MGAT4C: variants seen among roughly 807,000 people sequenced by gnomAD.
The protein encoded by MGAT4C is MGAT4 family member C.
Under a neutral mutation model 40.1 loss-of-function variants are expected in MGAT4C, and 19 were observed. That is an observed-to-expected ratio of 0.47 (90% confidence interval 0.33 to 0.70). The LOEUF is 0.70. MGAT4C is among the 30% of genes least tolerant of loss of function. The probability of loss-of-function intolerance (pLI) is 0.02; values close to 1 mark genes in which losing one functional copy is unlikely to be tolerated. For synonymous variants in MGAT4C, 181 were observed against 187.1 expected, an observed-to-expected ratio of 0.97 and a Z score of 0.27; for missense variants, 491 against 563.2, an observed-to-expected ratio of 0.87 and a Z score of 1.30.
intron 2 of MGAT4C, among the ~76,000 whole-genome samples, chr12:86,573,863 C>T (rs1050074039): frequency 6.6e-6 from 1 of 151,886 alleles, no homozygotes; most frequent in Non-Finnish European, 1.5e-5. Context: ...ATTGCATATT[C>T]TTCTAAAGTT....
chr12:86,454,019 C>T (rs1957469186), intron 2 of MGAT4C, among the ~76,000 whole-genome samples: 1 of 152,002 alleles, frequency 6.6e-6, no homozygotes, highest in South Asian at 2.1e-4. Flanking sequence ...TAGGGCATTA[C>T]TTACATGACT....
intron 3 of MGAT4C, among the ~76,000 whole-genome samples, chr12:86,401,894 T>C (rs1956370802): frequency 6.6e-6 from 1 of 152,120 alleles, no homozygotes; most frequent in Admixed American, 6.5e-5. Context: ...AAAAGTGACA[T>C]GGAAGAGTTC....
At chr12:86,324,185 T>G (rs1954466429) in intron 4 of MGAT4C, among the ~76,000 whole-genome samples, 3 of 151,954 alleles carry the variant, frequency 2.0e-5, no homozygotes, top group African/African-American at 7.2e-5. Context: ...TCTATGGTTA[T>G]GTATTGCCCC....
chr12:86,213,618 T>C (rs1296298533), intron 1 of MGAT4C, among the ~76,000 whole-genome samples: 1 of 151,890 alleles, frequency 6.6e-6, no homozygotes, highest in Non-Finnish European at 1.5e-5. Context: ...ACCAATTATT[T>C]AAAAAAAACA....
intron 1 of MGAT4C, among the ~76,000 whole-genome samples, chr12:86,815,518 T>G (rs1254570855): frequency 7.2e-6 from 1 of 139,116 alleles, no homozygotes; most frequent in Non-Finnish European, 1.6e-5. Context: ...AGAAAATAAG[T>G]CATTATTCAA....
At chr12:86,592,301 TC>T (rs1302497133) in intron 2 of MGAT4C, among the ~76,000 whole-genome samples, 1 of 152,114 alleles carries the variant, frequency 6.6e-6, no homozygotes, top group African/African-American at 2.4e-5. Context: ...TGAATTTCTT[TC>T]TACTTTATCT....
At chr12:86,296,746 C>T (rs528296453) in intron 4 of MGAT4C, among the ~76,000 whole-genome samples, 4 of 152,328 alleles carry the variant, frequency 2.6e-5, no homozygotes, top group East Asian at 1.9e-4. Context: ...AAGCGCTGCG[C>T]GCAGCCCCAG....
At chr12:86,084,291 G>T (rs1379147555) in intron 1 of MGAT4C, among the ~76,000 whole-genome samples, 2 of 152,068 alleles carry the variant, frequency 1.3e-5, no homozygotes, top group Non-Finnish European at 2.9e-5. Context: ...TGAGGAGGTG[G>T]TTAGGAAATG....
intron 2 of MGAT4C, among the ~76,000 whole-genome samples, chr12:86,675,678 G>A (rs1174719001): frequency 1.3e-5 from 2 of 152,060 alleles, no homozygotes; most frequent in Non-Finnish European, 2.9e-5. Context: ...ATCCTGAAGT[G>A]TTTTGCTTTT....
At chr12:86,397,472 T>A (rs1956282140) in intron 3 of MGAT4C, among the ~76,000 whole-genome samples, 2 of 152,072 alleles carry the variant, frequency 1.3e-5, no homozygotes, top group Admixed American at 6.6e-5. Context: ...TCTTTTTTCC[T>A]TTGGGTGTTG....
intron 2 of MGAT4C, among the ~76,000 whole-genome samples, chr12:86,039,814 G>C (rs1019118371): frequency 5.3e-5 from 8 of 152,188 alleles, no homozygotes. Context: ...TCTGGTTTTT[G>C]TAATTGTCAG....
At chr12:86,484,007 T>C (rs1957978321) in intron 2 of MGAT4C, among the ~76,000 whole-genome samples, 1 of 151,964 alleles carries the variant, frequency 6.6e-6, no homozygotes, top group African/African-American at 2.4e-5. Flanking sequence ...GCAGGGTTGC[T>C]GAATGCCAGG....
At chr12:86,537,272 A>C (rs991202025) in intron 2 of MGAT4C, among the ~76,000 whole-genome samples, 1 of 152,106 alleles carries the variant, frequency 6.6e-6, no homozygotes, top group Non-Finnish European at 1.5e-5. Context: ...CCTAACATTA[A>C]ATGACGAGTT....
intron 1 of MGAT4C, among the ~76,000 whole-genome samples, chr12:86,753,813 G>A (rs1951260395): frequency 6.6e-6 from 1 of 151,906 alleles, no homozygotes; most frequent in Non-Finnish European, 1.5e-5. Context: ...CAGAGAGAAA[G>A]TACTATAAAT....
chr12:86,753,065 G>A (rs1951249123), intron 1 of MGAT4C, among the ~76,000 whole-genome samples: 1 of 152,106 alleles, frequency 6.6e-6, no homozygotes, highest in Non-Finnish European at 1.5e-5. Flanking sequence ...CTTCTTTAAT[G>A]TTAAAATTCG....
rs1181584069 is a variant in MGAT4C at position 85,971,109 on chromosome 12, TA to T, written c.*8179del. 1 of 151,262 alleles carries T rather than the reference TA, an allele frequency of 6.6e-6. No homozygotes were observed. Among genetic ancestry groups the T allele is most frequent in the African/African-American group, 2.4e-5 (1 of 41,362 alleles). The allele number at this position is 151,262 out of a possible 1,614,324, so 9.4% of individuals were successfully genotyped here. ...TGTTGAAAAATTAGTGCATTTATAA[TA>T]AATTTAATTATTCATAAAAAATTAA... On this transcript the variant is annotated 3_prime_UTR_variant, in exon 5 of 5. Coordinates refer to ENST00000611864, the MANE Select transcript of MGAT4C (RefSeq NM_001351288.2).
chr12:86,624,976 G>A (rs1004967960), intron 2 of MGAT4C, among the ~76,000 whole-genome samples: 3 of 151,994 alleles, frequency 2.0e-5, no homozygotes, highest in African/African-American at 7.3e-5. Context: ...TCCAGGGAGG[G>A]ATCTGGTGGG....
At chr12:86,664,535 G>T (rs12825113) in intron 2 of MGAT4C, among the ~76,000 whole-genome samples, 1 of 152,108 alleles carries the variant, frequency 6.6e-6, no homozygotes, top group Non-Finnish European at 1.5e-5. Context: ...ATTTTAGTTT[G>T]TGTAGAAGCA....
chr12:86,322,017 T>C (rs1954402018), intron 4 of MGAT4C, among the ~76,000 whole-genome samples: 1 of 151,844 alleles, frequency 6.6e-6, no homozygotes. Context: ...ATATGGCACA[T>C]ATACACCATG....
Sources: gnomAD v4.1 joint callset for allele counts (sites outside exome capture counted in the v4.1 genomes callset) on GRCh38, gnomAD v4.1.1 for gene constraint, MANE v1.5 for transcripts, NCBI Gene and HGNC (gene_info 2026-07-23, HGNC 2026-07-21) for gene names.